The following SLC25A13 variants were observed in gnomAD, a reference collection of about 807,000 sequenced individuals.
SLC25A13 encodes solute carrier family 25 member 13, also known as electrogenic aspartate/glutamate antiporter SLC25A13, mitochondrial.
In SLC25A13, 70 loss-of-function variants were observed where a neutral mutation model predicts 85.5. The observed-to-expected ratio is 0.82, with a 90% CI of 0.68 to 1.00. SLC25A13 has a LOEUF of 1.00. Ranked by LOEUF, SLC25A13 falls within the 50% of genes least tolerant of loss-of-function variation. The probability of loss-of-function intolerance (pLI) is 0.00; values close to 1 mark genes in which losing one functional copy is unlikely to be tolerated. For missense variants in SLC25A13, 765 were observed against 819.8 expected (o/e 0.93, Z 0.82); for synonymous variants, 259 against 288.7 (o/e 0.90, Z 1.04).
chr7:96,121,154 C>G lies in SLC25A13; in HGVS notation c.*37G>C, dbSNP rs997921725. ...AGGAGGGATGTTCTTTACTGCAGTA[C>G]CCACAAAAAGACAGCACTATCCCAG... On this transcript the variant is annotated 3_prime_UTR_variant, in exon 18 of 18. Transcript: ENST00000265631. 6.2e-7 allele frequency: 1 copy of G among 1,605,530 alleles called. No individual in the cohort carries two copies. The highest frequency in any genetic ancestry group is 1.3e-5 in the African/African-American group (1 of 74,836).
rs886062529 is a variant in SLC25A13, at chr7:96,191,152, A to G, written c.711T>C (p.Tyr237=). The change falls in exon 7 of 18, where the codon TAT becomes TAC. Residue 237 remains tyrosine (Y), a synonymous_variant. Transcript: ENST00000265631. ...CTTTCCTGGTGCCAGCCAGAGTGCT[A>G]TAGATCTTTCTAATGAGTTCCATGT... The part of the protein sequence containing the change: ...LNNMELIRKI[Y]STLAGTRKDV... The G allele has an allele frequency of 6.2e-6, 10 of 1,614,124 alleles. No homozygotes were observed. The highest frequency in any genetic ancestry group is 8.5e-6 in the Non-Finnish European group (10 of 1,180,010).
intron 3 of SLC25A13, among the ~76,000 whole-genome samples, chr7:96,271,415 G>A (rs1229304700): frequency 6.6e-6 from 1 of 152,146 alleles, no homozygotes; most frequent in Non-Finnish European, 1.5e-5. Context: ...GTTTGTTATA[G>A]GGCAAAGGAT....
intron 3 of SLC25A13, among the ~76,000 whole-genome samples, chr7:96,255,285 C>A (rs1042584943): frequency 6.6e-6 from 1 of 152,056 alleles, no homozygotes; most frequent in Non-Finnish European, 1.5e-5. Context: ...AATGAAAGAG[C>A]GGAGATAGAA....
intron 13 of SLC25A13, among the ~76,000 whole-genome samples, chr7:96,150,089 C>T (rs1002986977): frequency 6.6e-6 from 1 of 151,604 alleles, no homozygotes; most frequent in Non-Finnish European, 1.5e-5. Context: ...ATATTTACAG[C>T]GGTAACACTG....
At chr7:96,184,861 T>C (rs754199361) in intron 10 of SLC25A13, 66 bp downstream of exon 10, 203 of 1,313,828 alleles carry the variant, frequency 1.5e-4, no homozygotes, top group Non-Finnish European at 2.2e-4. Flanking sequence ...CATTTCAAGA[T>C]GGAAAATCAG....
intron 3 of SLC25A13, among the ~76,000 whole-genome samples, chr7:96,252,902 TG>T (rs762773390): frequency 6.6e-6 from 1 of 152,116 alleles, no homozygotes; most frequent in Non-Finnish European, 1.5e-5. Context: ...GAGACCAGCC[TG>T]GACAACATGG....
At chr7:96,152,947 A>G (rs1328691304) in intron 13 of SLC25A13, among the ~76,000 whole-genome samples, 3 of 152,202 alleles carry the variant, frequency 2.0e-5, no homozygotes, top group Non-Finnish European at 2.9e-5. Context: ...GGGAAGGGAA[A>G]GTGAGAAAAT....
At position 96,193,160 on chromosome 7, in the gene SLC25A13, C is replaced by T. The variant is rs2116663375; in HGVS notation, c.492G>A (p.Lys164=). The T allele has an allele frequency of 6.2e-7, 1 of 1,614,078 alleles. No homozygotes were observed. The change falls in exon 6 of 18, where the codon AAG becomes AAA. Residue 164 remains lysine, a synonymous_variant. Coordinates refer to ENST00000265631, the MANE Select transcript of SLC25A13 (RefSeq NM_014251.3). ...CATTGTCCCGTTGCACAAAGGCTTG[C>T]TTTGCGTGCTCCAGTTGTATTTCCT... The part of the protein sequence containing the change: ...FLLEIQLEHA[K]QAFVQRDNAR...
At chr7:96,263,482 C>T (rs920056069) in intron 3 of SLC25A13, among the ~76,000 whole-genome samples, 1 of 152,032 alleles carries the variant, frequency 6.6e-6, no homozygotes, top group Non-Finnish European at 1.5e-5. Flanking sequence ...ATGAGCTTTC[C>T]TCTTGCAGTC....
intron 5 of SLC25A13, among the ~76,000 whole-genome samples, chr7:96,200,895 C>T (rs1795233601): frequency 6.6e-6 from 1 of 152,150 alleles, no homozygotes; most frequent in Non-Finnish European, 1.5e-5. Flanking sequence ...ATTTTCTTTG[C>T]CCAGAGAGTA....
chr7:96,223,661 G>A (rs918207249), intron 4 of SLC25A13, among the ~76,000 whole-genome samples: 5 of 152,012 alleles, frequency 3.3e-5, no homozygotes, highest in East Asian at 1.9e-4. Context: ...GGCGATGTGC[G>A]CCTGTAGTCC....
chr7:96,151,122 A>G (rs1417404637), intron 13 of SLC25A13, among the ~76,000 whole-genome samples: 1 of 152,158 alleles, frequency 6.6e-6, no homozygotes, highest in African/African-American at 2.4e-5. Context: ...AGGCAGAGAA[A>G]GGCACAAAGG....
At chr7:96,128,135 G>C (rs1791807008) in intron 15 of SLC25A13, among the ~76,000 whole-genome samples, 1 of 152,060 alleles carries the variant, frequency 6.6e-6, no homozygotes, top group South Asian at 2.1e-4. Context: ...CTGCTCACTG[G>C]ATATAGATTT....
intron 2 of SLC25A13, chr7:96,283,731 C>T (rs1288993410): frequency 9.6e-5 from 24 of 248,928 alleles, no homozygotes; most frequent in Non-Finnish European, 1.2e-4. Context: ...GCCTGCTCCA[C>T]GCAGAGAAGC....
intron 3 of SLC25A13, among the ~76,000 whole-genome samples, chr7:96,273,068 C>T (rs1289571179): frequency 6.6e-6 from 1 of 152,134 alleles, no homozygotes; most frequent in Non-Finnish European, 1.5e-5. Context: ...GCATCACCAA[C>T]ACCTGGACAC....
At chr7:96,244,353 G>T (rs1797103954) in intron 3 of SLC25A13, among the ~76,000 whole-genome samples, 1 of 152,078 alleles carries the variant, frequency 6.6e-6, no homozygotes, top group African/African-American at 2.4e-5. Context: ...GTTAGTTGAT[G>T]GTCAGCAAGC....
chr7:96,277,461 C>T (rs1043799335), intron 2 of SLC25A13, 123 bp from the exon 3 acceptor site: 19 of 903,186 alleles, frequency 2.1e-5, no homozygotes, highest in Middle Eastern at 3.3e-4. Flanking sequence ...TGATCATGTA[C>T]GCTTCATAAT....
chr7:96,168,616 A>C (rs1793870286), intron 13 of SLC25A13, among the ~76,000 whole-genome samples: 1 of 152,144 alleles, frequency 6.6e-6, no homozygotes, highest in Non-Finnish European at 1.5e-5. Context: ...AAAGAAAATA[A>C]ACCTCTGGGC....
intron 3 of SLC25A13, among the ~76,000 whole-genome samples, chr7:96,260,843 A>C (rs922519819): frequency 2.0e-5 from 3 of 152,044 alleles, no homozygotes; most frequent in African/African-American, 7.2e-5. Context: ...ACTTCATCCC[A>C]TTCTCTCAAA....
Sources: gnomAD v4.1 joint callset for allele counts (sites outside exome capture counted in the v4.1 genomes callset) on GRCh38, gnomAD v4.1.1 for gene constraint, MANE v1.5 for transcripts, NCBI Gene and HGNC (gene_info 2026-07-23, HGNC 2026-07-21) for gene names.